ALDH2: variants seen among roughly 807,000 people sequenced by gnomAD.
ALDH2 encodes the protein aldehyde dehydrogenase, mitochondrial.
A neutral mutation model predicts 59.6 loss-of-function variants in ALDH2; 44 were observed. That is an observed-to-expected ratio of 0.74 (90% CI 0.58 to 0.95). The LOEUF (loss-of-function observed/expected upper bound fraction) is 0.95, where lower values mean the gene tolerates loss of function less well. Ranked by LOEUF, ALDH2 falls within the 40% of genes least tolerant of loss-of-function variation. The probability of loss-of-function intolerance (pLI) is 0.00; values close to 1 mark genes in which losing one functional copy is unlikely to be tolerated. For missense variants in ALDH2, 570 were observed against 696.3 expected (o/e 0.82, Z 2.04); for synonymous variants, 291 against 284.0 (o/e 1.02, Z -0.25).
At chr12:111,799,808 T>G (rs766715363) in intron 10 of ALDH2, 98 bp from the exon 11 acceptor site, 1 of 1,407,628 alleles carries the variant, frequency 7.1e-7, no homozygotes, top group Non-Finnish European at 9.6e-7. Context: ...GGCTGGGGGC[T>G]TATCCCCCAA....
chr12:111,784,473 G>A (rs1484746847), intron 3 of ALDH2, among the ~76,000 whole-genome samples: 1 of 152,218 alleles, frequency 6.6e-6, no homozygotes, highest in Non-Finnish European at 1.5e-5. Flanking sequence ...TCTTCGCCCT[G>A]CTGCCATCTG....
chr12:111,791,419 G>T lies in ALDH2; in HGVS notation c.795G>T (p.Glu265Asp). The T allele has an allele frequency of 1.2e-6, 2 of 1,610,386 alleles. No individual in the cohort carries two copies. The highest frequency in any genetic ancestry group is 1.7e-6 in the Non-Finnish European group (2 of 1,177,610). Residue 265 changes from glutamate (E) to aspartate (D), a missense_variant and splice_region_variant, in exon 7 of 13, where the codon GAG becomes GAT. Glu to Asp is a conservative substitution (Grantham distance 45, BLOSUM62 2). Coordinates refer to ENST00000261733, the MANE Select transcript of ALDH2 (RefSeq NM_000690.4). ...VDKVAFTGST[E>D]IGRVIQVAAG... is the part of the protein sequence containing the mutation. Reference sequence around the variant, plus strand: ...AAGTGGCATTCACAGGCTCCACTGAGGTAAGGTGACCCTGGCCTCAAGCTT... The same window carrying T: ...AAGTGGCATTCACAGGCTCCACTGATGTAAGGTGACCCTGGCCTCAAGCTT...
chr12:111,768,231 T>A (rs2068173707), intron 1 of ALDH2, among the ~76,000 whole-genome samples: 1 of 152,100 alleles, frequency 6.6e-6, no homozygotes, highest in South Asian at 2.1e-4. Context: ...ATGTTGTGAC[T>A]CTGGGTGGGA....
intron 2 of ALDH2, 105 bp from the exon 3 acceptor site, chr12:111,783,053 C>T: frequency 1.4e-6 from 2 of 1,433,762 alleles, no homozygotes; most frequent in Non-Finnish European, 1.9e-6. Context: ...GTTTTCTGTG[C>T]AGCGATATGC....
chr12:111,777,198 A>G (rs2068240088), intron 1 of ALDH2, among the ~76,000 whole-genome samples: 1 of 151,856 alleles, frequency 6.6e-6, no homozygotes, highest in Non-Finnish European at 1.5e-5. Context: ...AAGTGGCTGG[A>G]CTCTTCTGTG....
intron 5 of ALDH2, 110 bp from the exon 6 acceptor site, chr12:111,790,324 G>A (rs2136017948): frequency 7.1e-7 from 1 of 1,402,216 alleles, no homozygotes; most frequent in African/African-American, 1.4e-5. Flanking sequence ...GGACACGCAG[G>A]GTTCAGAGAA....
chr12:111,801,934 G>A (rs2068454687), intron 11 of ALDH2, among the ~76,000 whole-genome samples: 2 of 152,158 alleles, frequency 1.3e-5, no homozygotes, highest in South Asian at 4.1e-4. Context: ...TGAATATGCT[G>A]TCAACCAGTG....
At chr12:111,794,298 G>A (rs564503248) in intron 9 of ALDH2, among the ~76,000 whole-genome samples, 88 of 152,226 alleles carry the variant, frequency 5.8e-4, no homozygotes, top group African/African-American at 1.8e-3. Context: ...GATTACAGGC[G>A]TGAGCCATTG....
At chr12:111,774,438 T>A (rs564556413) in intron 1 of ALDH2, among the ~76,000 whole-genome samples, 1 of 152,292 alleles carries the variant, frequency 6.6e-6, no homozygotes, top group African/African-American at 2.4e-5. Flanking sequence ...GCACATGCCG[T>A]TGGGATCATC....
intron 1 of ALDH2, among the ~76,000 whole-genome samples, chr12:111,776,434 G>T (rs1040620612): frequency 6.6e-6 from 1 of 151,996 alleles, no homozygotes; most frequent in Non-Finnish European, 1.5e-5. Flanking sequence ...GAAGGGATTT[G>T]CCCAGGGTCA....
At chr12:111,767,673 C>T (rs2068169501) in intron 1 of ALDH2, among the ~76,000 whole-genome samples, 1 of 152,194 alleles carries the variant, frequency 6.6e-6, no homozygotes, top group African/African-American at 2.4e-5. Flanking sequence ...GGGGTGTCTG[C>T]GGCTTCCAAC....
At chr12:111,781,525 C>T (rs2068271358) in intron 1 of ALDH2, among the ~76,000 whole-genome samples, 1 of 152,198 alleles carries the variant, frequency 6.6e-6, no homozygotes, top group South Asian at 2.1e-4. Context: ...CTATTGGCCC[C>T]AGCTGTCCTC....
chr12:111,799,838 C>T, intron 10 of ALDH2, 68 bp from the exon 11 acceptor site: 1 of 1,549,628 alleles, frequency 6.5e-7, no homozygotes. Context: ...ATCTGTTCTG[C>T]TCTGAGAGAG....
At chr12:111,786,816 GGATTACAGGCAT>G (rs1426010672) in intron 4 of ALDH2, among the ~76,000 whole-genome samples, 3 of 151,914 alleles carry the variant, frequency 2.0e-5, no homozygotes, top group Non-Finnish European at 4.4e-5. Context: ...CAAAGTGCTG[GGATTACAGGCAT>G]GAGTTACTAT....
intron 1 of ALDH2, among the ~76,000 whole-genome samples, chr12:111,769,498 T>C (rs78560131): frequency 0.015 from 2,324 of 152,178 alleles, 69 homozygotes; most frequent in African/African-American, 0.053. Flanking sequence ...TGGGTGTGTC[T>C]CTTGTAGACA....
intron 4 of ALDH2, among the ~76,000 whole-genome samples, chr12:111,787,196 G>T (rs2136015923): frequency 6.6e-6 from 1 of 152,008 alleles, no homozygotes; most frequent in East Asian, 1.9e-4. Context: ...ACAGACTGAG[G>T]CTCCATCTCA....
intron 1 of ALDH2, among the ~76,000 whole-genome samples, chr12:111,777,316 G>C (rs1300184850): frequency 2.0e-5 from 3 of 152,162 alleles, no homozygotes; most frequent in African/African-American, 4.8e-5. Context: ...GTGTGGGGCT[G>C]GTTCTTGAGG....
At chr12:111,785,231 G>A in intron 3 of ALDH2, 36 bp from the exon 4 acceptor site, 3 of 1,547,374 alleles carry the variant, frequency 1.9e-6, no homozygotes, top group South Asian at 2.2e-5. Context: ...TCTCATTCCT[G>A]CACCCATGTC....
At chr12:111,790,337 CGG>C in intron 5 of ALDH2, 95 bp from the exon 6 acceptor site, 1 of 1,511,298 alleles carries the variant, frequency 6.6e-7, no homozygotes, top group Non-Finnish European at 9.1e-7. Context: ...TCAGAGAACT[CGG>C]TGCTGCTTCT....
Sources: allele counts gnomAD v4.1 joint callset (sites outside exome capture counted in the v4.1 genomes callset), GRCh38; gene constraint gnomAD v4.1.1; transcripts MANE v1.5; gene names NCBI Gene and HGNC (gene_info 2026-07-23, HGNC 2026-07-21).